Variants in LMX1A observed in about 807,000 individuals in gnomAD.
LMX1A encodes LIM homeobox transcription factor 1 alpha, also known as LIM homeobox transcription factor 1-alpha.
A neutral mutation model predicts 49.1 loss-of-function variants in LMX1A; 15 were observed. The ratio of observed to expected loss-of-function variants is 0.31; its 90% CI spans 0.20 to 0.47. LMX1A has a LOEUF of 0.47. LMX1A is among the 20% of genes least tolerant of loss of function. LMX1A has a pLI of 1.00. For missense variants in LMX1A, 372 were observed against 475.8 expected (o/e 0.78, Z 2.03); for synonymous variants, 167 against 185.7 (o/e 0.90, Z 0.82).
At chr1:165,213,372 T>A (rs1416217100) in intron 5 of LMX1A, 3 of 373,038 alleles carry the variant, frequency 8.0e-6, no homozygotes, top group African/African-American at 6.2e-5. Context: ...ATTATTACTG[T>A]TCCCATTGTG....
intron 3 of LMX1A, among the ~76,000 whole-genome samples, chr1:165,334,792 C>G (rs1377250238): frequency 6.6e-6 from 1 of 152,168 alleles, no homozygotes; most frequent in Non-Finnish European, 1.5e-5. Context: ...TTCAGGGGCC[C>G]AAGACCAGTC....
At chr1:165,265,194 ACT>A (rs1384922973) in intron 3 of LMX1A, among the ~76,000 whole-genome samples, 1 of 140,790 alleles carries the variant, frequency 7.1e-6, no homozygotes, top group Non-Finnish European at 1.5e-5. Flanking sequence ...ACAGTGAGCG[ACT>A]CTGTCTCAAA....
intron 3 of LMX1A, among the ~76,000 whole-genome samples, chr1:165,309,321 A>G (rs1655007856): frequency 6.6e-6 from 1 of 152,212 alleles, no homozygotes; most frequent in Non-Finnish European, 1.5e-5. Flanking sequence ...ATCAACTTTA[A>G]TAACAAAAAC....
intron 3 of LMX1A, among the ~76,000 whole-genome samples, chr1:165,263,452 A>G (rs868307456): frequency 3.0e-4 from 46 of 152,256 alleles, no homozygotes; most frequent in Middle Eastern, 3.4e-3. Context: ...TGACTTCTTT[A>G]TCCTCCGCAT....
At chr1:165,248,253 CACA>C (rs891613478) in intron 4 of LMX1A, among the ~76,000 whole-genome samples, 9 of 152,024 alleles carry the variant, frequency 5.9e-5, no homozygotes, top group African/African-American at 2.2e-4. Flanking sequence ...GTAGATGAGA[CACA>C]ACGACAGGTG....
rs185007661 is a variant in LMX1A at position 165,316,015 on chromosome 1, C to A, written c.263+37061G>T. The stretch of plus-strand genomic sequence containing the variant: ...ACTGGTCAAGTAAGGACCTACTGGA[C>A]GTCTCTTATAATAGAGTGCCAAAGT... On this transcript the variant is annotated intron_variant, in intron 3 of 8. Transcript: ENST00000342310. 2.0e-5 allele frequency among the ~76,000 whole-genome samples: 3 copies of A among 152,184 alleles called. No individual in the cohort carries two copies. In the East Asian group the frequency reaches 5.8e-4, roughly 29 times the overall value.
In LMX1A at chr1:165,291,978, C is replaced by G. The variant is rs893845754; in HGVS notation, c.264-42338G>C. Among the ~76,000 whole-genome samples the G allele has an allele frequency of 3.5e-5, 5 of 142,344 alleles. No individual in the cohort carries two copies. The East Asian group carries it at 6.5e-4, about 18-fold the overall frequency. 93.4% of individuals were successfully genotyped at this position (142,344 alleles called of 152,430 possible). On this transcript the variant is annotated intron_variant, in intron 3 of 8. Coordinates refer to ENST00000342310, the MANE Select transcript of LMX1A (RefSeq NM_177398.4). The stretch of plus-strand genomic sequence containing the variant: ...ACGGGAGGCTGAGGCAGGAGAATGG[C>G]GTGAACCCGGGAGGCGGAGCTTGCA...
At chr1:165,264,845 T>C (rs1653564294) in intron 3 of LMX1A, among the ~76,000 whole-genome samples, 1 of 151,906 alleles carries the variant, frequency 6.6e-6, no homozygotes, top group Non-Finnish European at 1.5e-5. Context: ...AGGTCGAGGC[T>C]GCAGTGAGCC....
At chr1:165,329,600 GC>G (rs1655684669) in intron 3 of LMX1A, among the ~76,000 whole-genome samples, 3 of 151,330 alleles carry the variant, frequency 2.0e-5, no homozygotes, top group Admixed American at 2.0e-4. Context: ...GGCAGTAAGT[GC>G]CCACATGCAA....
At chr1:165,233,801 C>T (rs1652321809) in intron 4 of LMX1A, among the ~76,000 whole-genome samples, 1 of 152,170 alleles carries the variant, frequency 6.6e-6, no homozygotes, top group Non-Finnish European at 1.5e-5. Context: ...CTGTTTTGTT[C>T]ATCATTGTGT....
At chr1:165,275,011 C>A (rs56741891) in intron 3 of LMX1A, among the ~76,000 whole-genome samples, 1,930 of 152,296 alleles carry the variant, frequency 0.013, 27 homozygotes, top group African/African-American at 0.038. Context: ...AGCATGATTT[C>A]ATTTTGCCAG....
At chr1:165,329,732 G>A (rs1207043526) in intron 3 of LMX1A, among the ~76,000 whole-genome samples, 4 of 151,250 alleles carry the variant, frequency 2.6e-5, no homozygotes, top group Non-Finnish European at 5.9e-5. Flanking sequence ...GCTGTTATTA[G>A]TAAAACCTAT....
At chr1:165,233,868 G>A (rs1369951640) in intron 4 of LMX1A, among the ~76,000 whole-genome samples, 3 of 152,138 alleles carry the variant, frequency 2.0e-5, no homozygotes. Context: ...AGTATTGAAG[G>A]CATAAATGAA....
intron 3 of LMX1A, among the ~76,000 whole-genome samples, chr1:165,279,254 T>C (rs971795735): frequency 2.6e-5 from 4 of 152,176 alleles, no homozygotes; most frequent in African/African-American, 9.7e-5. Context: ...GGGTGGAGAC[T>C]TCATCCAGTG....
chr1:165,333,570 G>T (rs1655813014), intron 3 of LMX1A, among the ~76,000 whole-genome samples: 1 of 152,038 alleles, frequency 6.6e-6, no homozygotes, highest in African/African-American at 2.4e-5. Context: ...TTTTAAATTT[G>T]AATTTAAAAT....
At chr1:165,303,902 A>G (rs1229818091) in intron 3 of LMX1A, among the ~76,000 whole-genome samples, 1 of 152,138 alleles carries the variant, frequency 6.6e-6, no homozygotes, top group African/African-American at 2.4e-5. Flanking sequence ...CGCAGATATT[A>G]TATCTAGTAT....
chr1:165,235,659 C>T (rs28404764), intron 4 of LMX1A, among the ~76,000 whole-genome samples: 27,814 of 152,034 alleles, frequency 0.18, 2,822 homozygotes, highest in African/African-American at 0.26. Flanking sequence ...ACGACCTCGC[C>T]GCGACCTGGC....
At chr1:165,209,025 T>C (rs771080769) in intron 6 of LMX1A, among the ~76,000 whole-genome samples, 2 of 152,206 alleles carry the variant, frequency 1.3e-5, no homozygotes, top group African/African-American at 2.4e-5. Flanking sequence ...TGATGACATA[T>C]ACTTTGAGTG....
intron 3 of LMX1A, among the ~76,000 whole-genome samples, chr1:165,251,668 TG>T (rs1653064662): frequency 1.3e-5 from 2 of 152,164 alleles, no homozygotes; most frequent in African/African-American, 4.8e-5. Flanking sequence ...CCTCTGGGCC[TG>T]TTTATGCCAT....
Sources: allele counts gnomAD v4.1 joint callset (sites outside exome capture counted in the v4.1 genomes callset), GRCh38; gene constraint gnomAD v4.1.1; transcripts MANE v1.5; gene names NCBI Gene and HGNC (gene_info 2026-07-23, HGNC 2026-07-21).